Variants in CDH4 observed in about 807,000 individuals in gnomAD.
CDH4 encodes cadherin 4.
In CDH4, 33 loss-of-function variants were observed where a neutral mutation model predicts 86.0. The ratio of observed to expected loss-of-function variants is 0.38; its 90% CI spans 0.29 to 0.51. The LOEUF is 0.51. Ranked by LOEUF, CDH4 falls within the 20% of genes least tolerant of loss-of-function variation. The pLI is 0.86. For synonymous variants in CDH4, 555 were observed against 549.4 expected (o/e 1.01, Z -0.14); for missense variants, 1,114 against 1,307.4 (o/e 0.85, Z 2.28).
At chr20:61,579,731 G>A (rs1355419539) in intron 2 of CDH4, among the ~76,000 whole-genome samples, 1 of 152,136 alleles carries the variant, frequency 6.6e-6, no homozygotes, top group Non-Finnish European at 1.5e-5. Flanking sequence ...ATGAATACTT[G>A]TGGAGTTGGA....
intron 2 of CDH4, among the ~76,000 whole-genome samples, chr20:61,651,633 G>A (rs759047434): frequency 6.6e-6 from 1 of 152,162 alleles, no homozygotes; most frequent in Non-Finnish European, 1.5e-5. Flanking sequence ...CACCTCGCAG[G>A]TGGCCATCGG....
intron 2 of CDH4, among the ~76,000 whole-genome samples, chr20:61,646,463 C>T (rs546888510): frequency 6.6e-6 from 1 of 152,346 alleles, no homozygotes; most frequent in African/African-American, 2.4e-5. Context: ...GTGTCAGACA[C>T]ACCTGGGCTC....
rs533167458 is a variant in CDH4, at chr20:61,480,669, A to G, written c.169+225732A>G. 4.6e-5 allele frequency among the ~76,000 whole-genome samples: 7 copies of G among 152,342 alleles called. No individual in the cohort carries two copies. The highest frequency in any genetic ancestry group is 1.3e-4 in the Admixed American group (2 of 15,308). ...GCCAGGGCAGGTGAGCATCTCCCCA[A>G]GAGCACTGTGTGGGCATCCGGGTTG... On this transcript the variant is annotated intron_variant, in intron 2 of 15. Transcript: ENST00000614565. This position sits in a 1 kb window ranked among gnomAD's most constrained non-coding sequence, Gnocchi z 5.2.
At position 61,865,605 on chromosome 20, in the gene CDH4, A is replaced by G. The variant is rs185373783; in HGVS notation, c.878-8123A>G. 7.3e-3 allele frequency among the ~76,000 whole-genome samples: 1,073 copies of G among 147,290 alleles called. 15 individuals carry two copies. The highest frequency in any genetic ancestry group is 0.057 in the South Asian group (267 of 4,662). On this transcript the variant is annotated intron_variant, in intron 6 of 15. Coordinates refer to ENST00000614565, the MANE Select transcript of CDH4 (RefSeq NM_001794.5). ...AGGTCGCTTCCTGGCTCATTAGTGT[A>G]TGTAATGGGTTAGGTTCCTAGACTG...
At chr20:61,789,706 G>A (rs1979069300) in intron 4 of CDH4, among the ~76,000 whole-genome samples, 1 of 152,250 alleles carries the variant, frequency 6.6e-6, no homozygotes, top group Non-Finnish European at 1.5e-5. Context: ...AAACCGACAT[G>A]CAGGCCCAGA....
intron 2 of CDH4, among the ~76,000 whole-genome samples, chr20:61,360,516 A>C (rs1158207764): frequency 6.6e-6 from 1 of 152,208 alleles, no homozygotes; most frequent in Non-Finnish European, 1.5e-5. Context: ...CCAGTGCTGC[A>C]GAGATGAGAC....
chr20:61,341,862 C>T (rs1313049327), intron 2 of CDH4, among the ~76,000 whole-genome samples: 1 of 152,176 alleles, frequency 6.6e-6, no homozygotes, highest in Non-Finnish European at 1.5e-5. Flanking sequence ...AGACGCCCAT[C>T]CTGCCTTGAG....
intron 2 of CDH4, among the ~76,000 whole-genome samples, chr20:61,456,591 T>A (rs2085408199): frequency 6.6e-6 from 1 of 152,166 alleles, no homozygotes; most frequent in Non-Finnish European, 1.5e-5. Context: ...GTCGGGAAAC[T>A]CTGCTGAAGG....
At chr20:61,309,062 T>TA (rs769156577) in intron 2 of CDH4, among the ~76,000 whole-genome samples, 7 of 152,220 alleles carry the variant, frequency 4.6e-5, no homozygotes, top group Non-Finnish European at 7.3e-5. Context: ...AGCCCCTTGT[T>TA]AAAAAATTAC....
intron 2 of CDH4, among the ~76,000 whole-genome samples, chr20:61,293,422 G>T (rs1232338924): frequency 6.6e-6 from 1 of 152,122 alleles, no homozygotes; most frequent in Non-Finnish European, 1.5e-5. Context: ...CCGACCCCTG[G>T]CTGGAGAGGC....
intron 2 of CDH4, among the ~76,000 whole-genome samples, chr20:61,342,033 C>T (rs577352608): frequency 7.9e-5 from 12 of 152,254 alleles, no homozygotes; most frequent in African/African-American, 2.9e-4. Context: ...AGGCTGTTGG[C>T]AGCAGTGGCA....
intron 2 of CDH4, among the ~76,000 whole-genome samples, chr20:61,502,165 C>T (rs946249186): frequency 5.9e-5 from 9 of 152,134 alleles, no homozygotes; most frequent in African/African-American, 2.2e-4. Context: ...CCTGAGAAAC[C>T]ATCATAGGAA....
At chr20:61,886,274 G>T (rs1035664558) in intron 7 of CDH4, among the ~76,000 whole-genome samples, 2 of 152,234 alleles carry the variant, frequency 1.3e-5, no homozygotes, top group Non-Finnish European at 2.9e-5. Flanking sequence ...GCCGATGCTG[G>T]GTATGGCCAG....
intron 2 of CDH4, chr20:61,599,769 G>C: frequency 2.0e-6 from 2 of 985,596 alleles, no homozygotes; most frequent in Non-Finnish European, 2.4e-6. Context: ...ACGCACTGGC[G>C]CTCTGGCTTT....
intron 2 of CDH4, among the ~76,000 whole-genome samples, chr20:61,476,509 G>A (rs558402313): frequency 2.2e-4 from 34 of 152,214 alleles, no homozygotes; most frequent in Non-Finnish European, 4.7e-4. Context: ...GTGCTATGGG[G>A]TAGGTTGTAC....
chr20:61,603,883 G>A (rs2086622136), intron 2 of CDH4, among the ~76,000 whole-genome samples: 1 of 152,212 alleles, frequency 6.6e-6, no homozygotes, highest in Non-Finnish European at 1.5e-5. Flanking sequence ...CAGGGACATA[G>A]TAAGCCCTGG....
intron 2 of CDH4, among the ~76,000 whole-genome samples, chr20:61,736,639 G>A (rs1435343141): frequency 3.5e-5 from 5 of 144,022 alleles, no homozygotes; most frequent in African/African-American, 1.3e-4. Flanking sequence ...AGGGAGGAAG[G>A]AAGGAAGGAG....
intron 2 of CDH4, among the ~76,000 whole-genome samples, chr20:61,597,383 G>A (rs1387635346): frequency 2.0e-5 from 3 of 152,198 alleles, no homozygotes; most frequent in Non-Finnish European, 4.4e-5. Flanking sequence ...TACAAGGATT[G>A]TGCCTGTCCC....
chr20:61,480,936 G>A lies in CDH4; in HGVS notation c.169+225999G>A, dbSNP rs192963429. 9.1e-4 allele frequency among the ~76,000 whole-genome samples: 139 copies of A among 152,330 alleles called. No homozygotes were observed. The highest frequency in any genetic ancestry group is 3.2e-3 in the African/African-American group (131 of 41,586). ...AAGATTATACAACTCGGATGCTACT[G>A]TTTATAAAGTGTGTCCACGTTGATG... On this transcript the variant is annotated intron_variant, in intron 2 of 15. Transcript: ENST00000614565. This position sits in a 1 kb window ranked among gnomAD's most constrained non-coding sequence, Gnocchi z 5.2.
Sources: gnomAD v4.1 joint callset for allele counts (sites outside exome capture counted in the v4.1 genomes callset) on GRCh38, gnomAD v4.1.1 for gene constraint, Gnocchi (gnomAD v3.1) non-coding constraint, MANE v1.5 for transcripts, NCBI Gene and HGNC (gene_info 2026-07-23, HGNC 2026-07-21) for gene names.